Variants in TENM2 observed in about 807,000 individuals in gnomAD.
TENM2 encodes the protein teneurin transmembrane protein 2.
TENM2 carries 52 observed loss-of-function variants against 245.2 expected under a neutral mutation model. The ratio of observed to expected loss-of-function variants is 0.21; its 90% CI spans 0.17 to 0.27. The LOEUF (loss-of-function observed/expected upper bound fraction) is 0.27. TENM2 is among the 10% of genes least tolerant of loss of function. The pLI is 1.00. For synonymous variants in TENM2, 1,363 were observed against 1,438.9 expected, an observed-to-expected ratio of 0.95 and a Z score of 1.19; for missense variants, 3,046 against 3,666.8, an observed-to-expected ratio of 0.83 and a Z score of 4.37.
At chr5:167,652,581 C>A (rs1007732998) in intron 2 of TENM2, among the ~76,000 whole-genome samples, 1 of 74,972 alleles carries the variant, frequency 1.3e-5, no homozygotes, top group African/African-American at 6.0e-5. Flanking sequence ...CCTATCCTTC[C>A]CCCAAACCAC....
At chr5:167,152,390 G>A in the TENM2 span, among the ~76,000 whole-genome samples, 5 of 152,124 alleles carry the variant, frequency 3.3e-5, no homozygotes, top group African/African-American at 7.2e-5. Flanking sequence ...TAACAGTAAC[G>A]TGAAAGCTAG....
chr5:168,134,480 G>C (rs995887420), intron 12 of TENM2, among the ~76,000 whole-genome samples: 13 of 152,154 alleles, frequency 8.5e-5, no homozygotes, highest in African/African-American at 2.9e-4. Flanking sequence ...GAGGTCAGGA[G>C]TTCGAGACCA....
At chr5:167,681,569 C>T (rs1303178355) in intron 2 of TENM2, among the ~76,000 whole-genome samples, 1 of 151,902 alleles carries the variant, frequency 6.6e-6, no homozygotes, top group East Asian at 1.9e-4. Context: ...AGTATGTGTG[C>T]TTGTGTGTGT....
chr5:167,946,153 A>G (rs890931705), intron 3 of TENM2, among the ~76,000 whole-genome samples: 2 of 152,210 alleles, frequency 1.3e-5, no homozygotes, highest in Admixed American at 1.3e-4. Context: ...ATTGTCCCAC[A>G]TGCCCAGTAC....
chr5:167,990,228 G>T (rs898849353), intron 4 of TENM2, among the ~76,000 whole-genome samples: 9 of 152,110 alleles, frequency 5.9e-5, no homozygotes, highest in African/African-American at 2.2e-4. Flanking sequence ...TTGTTATAAG[G>T]CAGCAGACTA....
chr5:168,215,849 A>G (rs1257291496), intron 21 of TENM2, among the ~76,000 whole-genome samples: 2 of 152,192 alleles, frequency 1.3e-5, no homozygotes, highest in East Asian at 3.9e-4. Flanking sequence ...GAGACAGAAC[A>G]AAGCCCAGCG....
In TENM2 at chr5:167,371,657, G is replaced by A. The variant is rs1222471570; in HGVS notation, c.227-3541G>A. 5.9e-5 allele frequency among the ~76,000 whole-genome samples: 9 copies of A among 151,904 alleles called. No homozygotes were observed. The South Asian group carries it at 6.2e-4, about 11-fold the overall frequency. On this transcript the variant is annotated intron_variant, in intron 1 of 28. Coordinates refer to ENST00000518659, the Ensembl canonical transcript of TENM2. ...ATTACAGGAGTGAGCCACTGCGCCCGGCCTGTTCTTTTCCTATGTAATATT... is the reference window on the plus strand; with the variant it reads ...ATTACAGGAGTGAGCCACTGCGCCCAGCCTGTTCTTTTCCTATGTAATATT...
intron 2 of TENM2, among the ~76,000 whole-genome samples, chr5:167,528,570 T>A (rs2127590620): frequency 6.6e-6 from 1 of 152,300 alleles, no homozygotes; most frequent in Admixed American, 6.5e-5. Flanking sequence ...ATCTGCCACA[T>A]ACTAAGTGAG....
At chr5:167,931,681 C>A (rs1778304136) in intron 3 of TENM2, among the ~76,000 whole-genome samples, 1 of 152,028 alleles carries the variant, frequency 6.6e-6, no homozygotes, top group Admixed American at 6.6e-5. Flanking sequence ...GTGTCAAGAG[C>A]ACTGGTTTTC....
intron 6 of TENM2, among the ~76,000 whole-genome samples, chr5:168,048,761 T>G (rs1788833517): frequency 6.6e-6 from 1 of 152,200 alleles, no homozygotes; most frequent in African/African-American, 2.4e-5. Flanking sequence ...GCTGTCCTAA[T>G]GCTTTGAGGA....
the TENM2 span, among the ~76,000 whole-genome samples, chr5:167,011,742 G>A: frequency 6.6e-6 from 1 of 152,156 alleles, no homozygotes; most frequent in Non-Finnish European, 1.5e-5. Flanking sequence ...TGAGAGTTAT[G>A]TTGATTTCTT....
chr5:168,236,317 C>T (rs910322326), intron 25 of TENM2, among the ~76,000 whole-genome samples: 1 of 152,132 alleles, frequency 6.6e-6, no homozygotes, highest in Admixed American at 6.6e-5. Flanking sequence ...ACACCCTCTG[C>T]CCCTTCTCAC....
the TENM2 span, among the ~76,000 whole-genome samples, chr5:167,100,530 G>C: frequency 1.3e-5 from 2 of 152,130 alleles, no homozygotes; most frequent in Non-Finnish European, 2.9e-5. Flanking sequence ...GACTGAGAAG[G>C]TCCTCCACAT....
chr5:167,129,037 A>T, the TENM2 span, among the ~76,000 whole-genome samples: 1 of 152,180 alleles, frequency 6.6e-6, no homozygotes, highest in Non-Finnish European at 1.5e-5. Context: ...TTTTTAAGTC[A>T]GGAACACCTT....
At chr5:167,963,433 T>C (rs906938267) in intron 4 of TENM2, among the ~76,000 whole-genome samples, 1 of 152,192 alleles carries the variant, frequency 6.6e-6, no homozygotes, top group Non-Finnish European at 1.5e-5. Flanking sequence ...CATTTCTGTC[T>C]TTCATACCAA....
chr5:167,503,604 C>T (rs1769355105), intron 2 of TENM2, among the ~76,000 whole-genome samples: 1 of 151,238 alleles, frequency 6.6e-6, no homozygotes, highest in African/African-American at 2.4e-5. Flanking sequence ...TGTTAAAAAA[C>T]AGATATTGGC....
At chr5:167,906,450 A>G (rs1018483156) in intron 3 of TENM2, among the ~76,000 whole-genome samples, 1 of 152,150 alleles carries the variant, frequency 6.6e-6, no homozygotes, top group Non-Finnish European at 1.5e-5. Context: ...GCAGCCCCTG[A>G]TTTTCTGAGA....
intron 2 of TENM2, among the ~76,000 whole-genome samples, chr5:167,646,199 T>TTATATATATATATATATA (rs1491521603): frequency 9.3e-6 from 1 of 107,868 alleles, no homozygotes; most frequent in Non-Finnish European, 1.7e-5. Flanking sequence ...TATGTTGTTT[T>TTATATATATATATATATA]CATATATATA....
intron 2 of TENM2, among the ~76,000 whole-genome samples, chr5:167,438,273 C>T (rs1455647702): frequency 6.6e-6 from 1 of 152,206 alleles, no homozygotes; most frequent in African/African-American, 2.4e-5. Context: ...TTTTCTTCCT[C>T]TTTATGGAAT....
Sources: allele counts gnomAD v4.1 joint callset (sites outside exome capture counted in the v4.1 genomes callset), GRCh38; gene constraint gnomAD v4.1.1; transcripts MANE v1.5; gene names NCBI Gene and HGNC (gene_info 2026-07-23, HGNC 2026-07-21).